The following NCKAP5 variants were observed in gnomAD, a reference collection of about 807,000 sequenced individuals.
NCKAP5 encodes nck-associated protein 5.
A neutral mutation model predicts 167.0 loss-of-function variants in NCKAP5; 92 were observed. That is an observed-to-expected ratio of 0.55 (90% CI 0.47 to 0.66). NCKAP5 has a LOEUF of 0.66. Among genes scored for constraint, NCKAP5 ranks in the 30% least tolerant of loss-of-function variants. The pLI is 0.00. For synonymous variants in NCKAP5, 891 were observed against 877.4 expected (o/e 1.02, Z -0.27); for missense variants, 2,378 against 2,315.0 (o/e 1.03, Z -0.56).
At chr2:132,750,596 A>G (rs16840644) in intron 16 of NCKAP5, among the ~76,000 whole-genome samples, 3,469 of 152,268 alleles carry the variant, frequency 0.023, 123 homozygotes, top group African/African-American at 0.076. Flanking sequence ...TAGGAGGGTA[A>G]CCATGGTGAG....
rs183385304 is a variant in NCKAP5 at position 132,905,570 on chromosome 2, T to C, written c.580-26654A>G. Among the ~76,000 whole-genome samples, 15 of 152,330 alleles carry C rather than the reference T, an allele frequency of 9.8e-5. No homozygotes were observed. The East Asian group carries it at 1.7e-3, about 18-fold the overall frequency. On this transcript the variant is annotated intron_variant, in intron 8 of 19. Transcript: ENST00000409261. ...GGGAAAAAGTATCAGCTTTGTAATA[T>C]TTGGCCTGCCTATCTTGGAACATGG...
At chr2:133,622,141 A>G in the NCKAP5 span, among the ~76,000 whole-genome samples, 1 of 152,180 alleles carries the variant, frequency 6.6e-6, no homozygotes, top group African/African-American at 2.4e-5. Flanking sequence ...ACCTTAAGGT[A>G]ATAGAAGCCA....
At chr2:132,803,542 C>A (rs1281862986) in intron 11 of NCKAP5, among the ~76,000 whole-genome samples, 1 of 152,222 alleles carries the variant, frequency 6.6e-6, no homozygotes, top group Non-Finnish European at 1.5e-5. Context: ...CCTAAGGGAG[C>A]AGCATTTGGT....
At chr2:132,750,066 A>T (rs1202990721) in intron 16 of NCKAP5, among the ~76,000 whole-genome samples, 1 of 152,222 alleles carries the variant, frequency 6.6e-6, no homozygotes, top group Non-Finnish European at 1.5e-5. Context: ...CTATAACTGA[A>T]ACTTACGTAT....
At chr2:133,029,596 C>T (rs1033836072) in intron 6 of NCKAP5, among the ~76,000 whole-genome samples, 3 of 152,124 alleles carry the variant, frequency 2.0e-5, no homozygotes, top group Admixed American at 6.6e-5. Flanking sequence ...GTGCTATGAT[C>T]GGACACCTGC....
chr2:133,252,782 T>C (rs1394676985), intron 4 of NCKAP5, among the ~76,000 whole-genome samples: 1 of 152,190 alleles, frequency 6.6e-6, no homozygotes, highest in African/African-American at 2.4e-5. Flanking sequence ...CTACAAGGGT[T>C]CTAAAGTTAT....
the NCKAP5 span, among the ~76,000 whole-genome samples, chr2:133,592,559 T>C: frequency 2.6e-5 from 4 of 152,226 alleles, no homozygotes; most frequent in Admixed American, 1.3e-4. Flanking sequence ...AACCAGTTAT[T>C]AGGATACCAA....
At chr2:133,335,306 T>A (rs1442521389) in intron 3 of NCKAP5, among the ~76,000 whole-genome samples, 1 of 152,232 alleles carries the variant, frequency 6.6e-6, no homozygotes, top group African/African-American at 2.4e-5. Flanking sequence ...AGCAAATTGC[T>A]ACACTTGACA....
chr2:132,883,714 C>G (rs1043824997), intron 8 of NCKAP5, among the ~76,000 whole-genome samples: 2 of 152,200 alleles, frequency 1.3e-5, no homozygotes, highest in Admixed American at 1.3e-4. Context: ...GGCACACACG[C>G]TGGCAGCAGG....
At chr2:133,147,349 T>C (rs2083235875) in intron 5 of NCKAP5, among the ~76,000 whole-genome samples, 1 of 152,172 alleles carries the variant, frequency 6.6e-6, no homozygotes, top group South Asian at 2.1e-4. Flanking sequence ...TGGACTTCAA[T>C]AGGTAAATTA....
At chr2:133,098,933 T>C (rs1226818483) in intron 6 of NCKAP5, among the ~76,000 whole-genome samples, 1 of 152,182 alleles carries the variant, frequency 6.6e-6, no homozygotes, top group African/African-American at 2.4e-5. Context: ...TTATAAAATA[T>C]TTCAAAATAT....
chr2:133,447,709 C>T (rs1691292700), intron 3 of NCKAP5, among the ~76,000 whole-genome samples: 2 of 151,892 alleles, frequency 1.3e-5, no homozygotes, highest in African/African-American at 2.4e-5. Flanking sequence ...AGGTCTCAAA[C>T]TCTTGGGCTC....
the NCKAP5 span, among the ~76,000 whole-genome samples, chr2:133,622,130 T>C: frequency 8.5e-5 from 13 of 152,138 alleles, no homozygotes; most frequent in African/African-American, 3.1e-4. Context: ...AGAAGGGACA[T>C]ACCTTAAGGT....
chr2:132,994,062 T>G, intron 7 of NCKAP5, 90 bp downstream of exon 7: 1 of 926,706 alleles, frequency 1.1e-6, no homozygotes, highest in African/African-American at 1.7e-5. Context: ...ACACCTTTTA[T>G]TTATCTCTGG....
chr2:132,770,219 T>C (rs944510124), intron 16 of NCKAP5, among the ~76,000 whole-genome samples: 2 of 152,028 alleles, frequency 1.3e-5, no homozygotes, highest in Admixed American at 6.6e-5. Context: ...ACAATACAAA[T>C]ATGTGGCCGA....
intron 6 of NCKAP5, chr2:133,116,923 G>A (rs4953872): frequency 0.48 from 73,574 of 152,032 alleles, 18,527 homozygotes; most frequent in African/African-American, 0.64. Flanking sequence ...TACAAGGCCA[G>A]TGCTCAATAA....
chr2:133,662,314 C>G, the NCKAP5 span, among the ~76,000 whole-genome samples: 1 of 151,894 alleles, frequency 6.6e-6, no homozygotes, highest in Non-Finnish European at 1.5e-5. Flanking sequence ...TTATCGTTTG[C>G]CCAACTCTGT....
chr2:132,829,380 A>G (rs1162140208), intron 11 of NCKAP5, among the ~76,000 whole-genome samples: 19 of 152,200 alleles, frequency 1.2e-4, no homozygotes, highest in Non-Finnish European at 1.2e-4. Context: ...GAGATACTCA[A>G]TAAGTGGTAG....
chr2:132,868,828 A>C lies in NCKAP5; in HGVS notation c.687+108T>G, dbSNP rs1438352349. 1.8e-5 allele frequency: 12 copies of C among 683,508 alleles called. No individual in the cohort carries two copies. The East Asian group carries it at 3.8e-4, about 22-fold the overall frequency. The allele number at this position is 683,508 out of a possible 1,614,324, so 42.3% of individuals were successfully genotyped here. ...ACAAACGATTTTCACTAAGTGAATAAATACAGAAGTATTGCATCTATCAAT... is the reference window on the plus strand; with the variant it reads ...ACAAACGATTTTCACTAAGTGAATACATACAGAAGTATTGCATCTATCAAT... On this transcript the variant is annotated intron_variant, in intron 10 of 19. Coordinates refer to ENST00000409261, the MANE Select transcript of NCKAP5 (RefSeq NM_207363.3).
Sources: gnomAD v4.1 joint callset for allele counts (sites outside exome capture counted in the v4.1 genomes callset) on GRCh38, gnomAD v4.1.1 for gene constraint, MANE v1.5 for transcripts, NCBI Gene and HGNC (gene_info 2026-07-23, HGNC 2026-07-21) for gene names.